ARID1B: variants seen among roughly 807,000 people sequenced by gnomAD.
ARID1B encodes the protein AT-rich interactive domain-containing protein 1B.
A neutral mutation model predicts 212.3 loss-of-function variants in ARID1B; 30 were observed. The ratio of observed to expected loss-of-function variants is 0.14; its 90% CI spans 0.11 to 0.19. The LOEUF (loss-of-function observed/expected upper bound fraction) is 0.19, where lower values mean the gene tolerates loss of function less well. Among genes scored for constraint, ARID1B ranks in the 10% least tolerant of loss-of-function variants. ARID1B has a pLI of 1.00. For missense variants in ARID1B, 2,891 were observed against 3,204.0 expected, an observed-to-expected ratio of 0.90 and a Z score of 2.36; for synonymous variants, 1,402 against 1,301.7, an observed-to-expected ratio of 1.08 and a Z score of -1.66.
At chr6:157,146,825 T>C (rs1392167105) in intron 7 of ARID1B, among the ~76,000 whole-genome samples, 3 of 152,194 alleles carry the variant, frequency 2.0e-5, no homozygotes, top group African/African-American at 4.8e-5. Context: ...TGGGAAACAC[T>C]AATCCATATT....
intron 2 of ARID1B, among the ~76,000 whole-genome samples, chr6:156,893,676 G>A (rs1461033538): frequency 6.6e-6 from 1 of 152,010 alleles, no homozygotes; most frequent in Non-Finnish European, 1.5e-5. Context: ...ACATGAAAAG[G>A]TACTCAACAG....
intron 7 of ARID1B, among the ~76,000 whole-genome samples, chr6:157,137,144 G>GCT (rs10689756): frequency 0.13 from 19,483 of 152,094 alleles, 1,644 homozygotes; most frequent in African/African-American, 0.23. Flanking sequence ...TCACACCACT[G>GCT]CTCTACAGCC....
chr6:156,865,169 C>T (rs1785593791), intron 2 of ARID1B, among the ~76,000 whole-genome samples: 1 of 152,146 alleles, frequency 6.6e-6, no homozygotes, highest in East Asian at 1.9e-4. Context: ...AGTTTCCCTT[C>T]ACTTTCTTGT....
chr6:157,096,868 C>T (rs1479726889), intron 5 of ARID1B, among the ~76,000 whole-genome samples: 1 of 152,226 alleles, frequency 6.6e-6, no homozygotes, highest in African/African-American at 2.4e-5. Flanking sequence ...TGAAAAAGCA[C>T]TTATTTAAAC....
chr6:156,988,513 T>C lies in ARID1B; in HGVS notation c.2247+52937T>C, dbSNP rs564867212. Among the ~76,000 whole-genome samples, 2 of 152,250 alleles carry C rather than the reference T, an allele frequency of 1.3e-5. 1 individual carries two copies. The highest frequency in any genetic ancestry group is 4.1e-4 in the South Asian group (2 of 4,820). On this transcript the variant is annotated intron_variant, in intron 4 of 19. Transcript: ENST00000636930. ...TCTCCTGGCCACTCCTTCCATAGTT[T>C]AAATGGGGGCAGCACATCCTCTTGC...
chr6:156,815,641 A>G lies in ARID1B; in HGVS notation c.1792-13586A>G, dbSNP rs1439339678. 3.3e-5 allele frequency among the ~76,000 whole-genome samples: 5 copies of G among 152,306 alleles called. No individual in the cohort carries two copies. The East Asian group carries it at 7.7e-4, about 23-fold the overall frequency. On this transcript the variant is annotated intron_variant, in intron 1 of 19. Transcript: ENST00000636930. The stretch of plus-strand genomic sequence containing the variant: ...AAATGCTGATTATACAAAGCTTCAC[A>G]TGAGAGGCCCAGTGATTAAAATCAA...
chr6:156,929,341 G>T (rs1261516499), intron 3 of ARID1B, among the ~76,000 whole-genome samples: 1 of 152,200 alleles, frequency 6.6e-6, no homozygotes, highest in African/African-American at 2.4e-5. Context: ...CACACAGAAA[G>T]TGGAGGGAGG....
intron 3 of ARID1B, among the ~76,000 whole-genome samples, chr6:156,910,008 C>G (rs1365318491): frequency 6.6e-6 from 1 of 152,220 alleles, no homozygotes; most frequent in Non-Finnish European, 1.5e-5. Flanking sequence ...GTGAGCACAA[C>G]ACATGCTGGT....
intron 8 of ARID1B, chr6:157,150,914 C>G (rs534682306): frequency 5.7e-6 from 1 of 174,592 alleles, no homozygotes; most frequent in Non-Finnish European, 1.2e-5. Context: ...AAACTGTTAA[C>G]GATCGTGCCG....
chr6:157,176,262 G>A (rs986682413), intron 11 of ARID1B, among the ~76,000 whole-genome samples: 2 of 152,202 alleles, frequency 1.3e-5, no homozygotes, highest in African/African-American at 4.8e-5. Flanking sequence ...AGCAGACAGT[G>A]CGCTTCTAGG....
At chr6:156,980,291 C>T (rs1161138434) in intron 4 of ARID1B, among the ~76,000 whole-genome samples, 34 of 151,830 alleles carry the variant, frequency 2.2e-4, no homozygotes, top group African/African-American at 8.0e-4. Context: ...GAGACCACCC[C>T]GGCCCACACA....
intron 8 of ARID1B, chr6:157,152,269 C>CATCAGAGTGAA (rs1790253440): frequency 6.6e-6 from 1 of 152,172 alleles, no homozygotes; most frequent in Admixed American, 6.5e-5. Context: ...AAATGGCATG[C>CATCAGAGTGAA]ATCAGAGTGA....
At chr6:157,081,067 C>A (rs1477885910) in intron 4 of ARID1B, among the ~76,000 whole-genome samples, 3 of 152,178 alleles carry the variant, frequency 2.0e-5, no homozygotes, top group African/African-American at 7.2e-5. Context: ...CCTTGCCAAT[C>A]ACCCCATCAC....
chr6:156,934,930 AT>A (rs369638102), intron 3 of ARID1B, among the ~76,000 whole-genome samples: 9,388 of 89,500 alleles, frequency 0.1, 975 homozygotes, highest in Middle Eastern at 0.14. Flanking sequence ...ATATATATAT[AT>A]ATATATATAT....
intron 7 of ARID1B, among the ~76,000 whole-genome samples, chr6:157,144,090 T>C (rs1300607954): frequency 6.6e-6 from 1 of 152,222 alleles, no homozygotes; most frequent in Non-Finnish European, 1.5e-5. Flanking sequence ...ACACAGCTCC[T>C]CTCTCTTTAG....
chr6:157,207,246 A>G lies in ARID1B; in HGVS notation c.6474A>G (p.Leu2158=). 6.2e-7 allele frequency: 1 copy of G among 1,614,182 alleles called. No individual in the cohort carries two copies. The highest frequency in any genetic ancestry group is 1.1e-5 in the South Asian group (1 of 91,084). ...CGTTGGCCAACATTTCCGGGCAGCT[A>G]GACTTGTCTGCTTACACGGAAAGCA... ...LVTLANISGQ[L]DLSAYTESIC... is the part of the protein sequence containing the mutation. The change falls in exon 20 of 20, where the codon CTA becomes CTG. Residue 2158 remains leucine, a synonymous_variant. Coordinates refer to ENST00000636930, the MANE Select transcript of ARID1B (RefSeq NM_001374828.1). This position sits in a 1 kb window ranked among gnomAD's most constrained non-coding sequence, Gnocchi z 8.5.
intron 4 of ARID1B, among the ~76,000 whole-genome samples, chr6:157,061,075 C>T (rs1206106724): frequency 1.3e-5 from 2 of 152,204 alleles, no homozygotes; most frequent in Non-Finnish European, 2.9e-5. Flanking sequence ...GGACTCGTGA[C>T]TCAGGCTGTC....
intron 4 of ARID1B, among the ~76,000 whole-genome samples, chr6:156,972,003 G>A (rs1776965706): frequency 6.6e-6 from 1 of 152,108 alleles, no homozygotes; most frequent in East Asian, 1.9e-4. Context: ...GGAATCCTGG[G>A]GGACATCACA....
In ARID1B at chr6:157,203,732, G is replaced by T; in HGVS notation, c.5264-134G>T. On this transcript the variant is annotated intron_variant, in intron 18 of 19. Transcript: ENST00000636930. This position sits in a 1 kb window ranked among gnomAD's most constrained non-coding sequence, Gnocchi z 4.4. The stretch of plus-strand genomic sequence containing the variant: ...AAATCGGAAATGATCACGCTTAACT[G>T]TCCTTGAGAGCATTTGTTTAAAGTC... 2 of 1,125,612 alleles carry T rather than the reference G, an allele frequency of 1.8e-6. No individual in the cohort carries two copies. Among genetic ancestry groups the T allele is most frequent in the Non-Finnish European group, 2.6e-6 (2 of 767,374 alleles). The allele number at this position is 1,125,612 out of a possible 1,614,324, so 69.7% of individuals were successfully genotyped here.
Sources: gnomAD v4.1 joint callset for allele counts (sites outside exome capture counted in the v4.1 genomes callset) on GRCh38, gnomAD v4.1.1 for gene constraint, Gnocchi (gnomAD v3.1) non-coding constraint, MANE v1.5 for transcripts, NCBI Gene and HGNC (gene_info 2026-07-23, HGNC 2026-07-21) for gene names.